The following NWD2 variants were observed in gnomAD, a reference collection of about 807,000 sequenced individuals.
NWD2 encodes the protein NACHT and WD repeat domain-containing protein 2.
NWD2 carries 37 observed loss-of-function variants against 132.7 expected under a neutral mutation model. That is an observed-to-expected ratio of 0.28 (90% CI 0.21 to 0.37). The LOEUF is 0.37. Among genes scored for constraint, NWD2 ranks in the 10% least tolerant of loss-of-function variants. The pLI is 1.00. For missense variants in NWD2, 1,592 were observed against 2,122.4 expected (o/e 0.75, Z 4.91); for synonymous variants, 705 against 803.0 (o/e 0.88, Z 2.06).
chr4:37,263,400 T>C (rs575707577), intron 1 of NWD2, among the ~76,000 whole-genome samples: 2 of 152,282 alleles, frequency 1.3e-5, no homozygotes, highest in East Asian at 3.9e-4. Flanking sequence ...GCTTTCAGTA[T>C]GTCAACAGTA....
intron 1 of NWD2, among the ~76,000 whole-genome samples, chr4:37,274,095 GGAGATAGA>G (rs1176523390): frequency 1.4e-4 from 22 of 152,156 alleles, no homozygotes; most frequent in African/African-American, 5.1e-4. Context: ...CAGAACTGAA[GGAGATAGA>G]GACACAAAAA....
Position 37,430,778 on chromosome 4 carries a change from A to G in NWD2, c.561+3A>G, listed in dbSNP as rs560870065. 348 of 1,548,992 alleles carry G rather than the reference A, an allele frequency of 2.2e-4. 3 individuals are homozygous for G. The South Asian group carries it at 3.9e-3, about 17-fold the overall frequency. ...TGCTGAGAAGCAATAGAAATGCAGT[A>G]AGCTGCCTTTCCCTCAAGCCTATGG... is the stretch of plus-strand genomic sequence containing the variant. On this transcript the variant is annotated splice_donor_region_variant and intron_variant, in intron 4 of 6. Transcript: ENST00000309447.
At chr4:37,263,407 A>T (rs1717685685) in intron 1 of NWD2, among the ~76,000 whole-genome samples, 2 of 152,176 alleles carry the variant, frequency 1.3e-5, no homozygotes. Flanking sequence ...GTATGTCAAC[A>T]GTAGAGCAAA....
intron 3 of NWD2, among the ~76,000 whole-genome samples, chr4:37,383,607 C>A (rs568649435): frequency 1.1e-4 from 17 of 152,126 alleles, no homozygotes; most frequent in Admixed American, 4.6e-4. Context: ...CACCTGCATG[C>A]CCCCTACGCT....
At chr4:37,441,031 T>A (rs1712469501) in intron 6 of NWD2, among the ~76,000 whole-genome samples, 1 of 152,202 alleles carries the variant, frequency 6.6e-6, no homozygotes, top group Non-Finnish European at 1.5e-5. Flanking sequence ...CATTACACTG[T>A]ATGTGAGGAT....
At position 37,379,985 on chromosome 4, in the gene NWD2, G is replaced by A. The variant is rs181593397; in HGVS notation, c.357+23503G>A. ...GGAAACAACCGAAAAGTAAAGGCAA[G>A]AAGCATTTGAACTTGGCTCCGCCAC... On this transcript the variant is annotated intron_variant, in intron 3 of 6. Coordinates refer to ENST00000309447, the MANE Select transcript of NWD2 (RefSeq NM_001144990.2). 1.9e-3 allele frequency among the ~76,000 whole-genome samples: 291 copies of A among 152,356 alleles called. 1 individual carries two copies. Among genetic ancestry groups the A allele is most frequent in the Non-Finnish European group, 3.4e-3 (230 of 68,034 alleles).
intron 1 of NWD2, among the ~76,000 whole-genome samples, chr4:37,252,706 T>A (rs1041950527): frequency 1.3e-5 from 2 of 152,310 alleles, no homozygotes; most frequent in Admixed American, 1.3e-4. Context: ...TTCTCCTCCA[T>A]GAGGGTATTC....
At chr4:37,373,278 A>G (rs1382685610) in intron 3 of NWD2, among the ~76,000 whole-genome samples, 1 of 152,176 alleles carries the variant, frequency 6.6e-6, no homozygotes, top group Admixed American at 6.5e-5. Flanking sequence ...CTCTCTTTCT[A>G]ATATTTTCCT....
At chr4:37,438,263 CAAA>C (rs58024420) in intron 5 of NWD2, among the ~76,000 whole-genome samples, 1 of 99,088 alleles carries the variant, frequency 1.0e-5, no homozygotes, top group Non-Finnish European at 2.1e-5. Context: ...TCCGTCTAAA[CAAA>C]AAAAAAAAAA....
chr4:37,391,630 G>A (rs1430186332), intron 3 of NWD2, among the ~76,000 whole-genome samples: 2 of 152,188 alleles, frequency 1.3e-5, no homozygotes, highest in African/African-American at 4.8e-5. Flanking sequence ...GTATGCATGG[G>A]TGAAATGGGT....
At chr4:37,366,823 CAT>C (rs1720108514) in intron 3 of NWD2, among the ~76,000 whole-genome samples, 1 of 152,070 alleles carries the variant, frequency 6.6e-6, no homozygotes, top group Non-Finnish European at 1.5e-5. Context: ...CACCTAATAA[CAT>C]GGCTTCAAAA....
chr4:37,270,740 C>CT (rs1717855316), intron 1 of NWD2, among the ~76,000 whole-genome samples: 1 of 151,600 alleles, frequency 6.6e-6, no homozygotes, highest in South Asian at 2.1e-4. Flanking sequence ...TAAATGATGT[C>CT]TTTTTTGAGA....
intron 1 of NWD2, among the ~76,000 whole-genome samples, chr4:37,325,457 A>C (rs913438376): frequency 6.6e-6 from 1 of 152,134 alleles, no homozygotes; most frequent in African/African-American, 2.4e-5. Flanking sequence ...GTAAAATGTC[A>C]CAATATATCT....
At chr4:37,369,495 A>C (rs1236861141) in intron 3 of NWD2, among the ~76,000 whole-genome samples, 1 of 152,152 alleles carries the variant, frequency 6.6e-6, no homozygotes, top group Non-Finnish European at 1.5e-5. Flanking sequence ...TTTGGCTTAC[A>C]TGAGGGTTTT....
At chr4:37,405,676 CA>C (rs1186961315) in intron 3 of NWD2, among the ~76,000 whole-genome samples, 1 of 152,042 alleles carries the variant, frequency 6.6e-6, no homozygotes, top group Non-Finnish European at 1.5e-5. Flanking sequence ...AGGTCTCAGT[CA>C]AAAAATGTTT....
chr4:37,316,874 C>T (rs1718970640), intron 1 of NWD2, among the ~76,000 whole-genome samples: 1 of 152,070 alleles, frequency 6.6e-6, no homozygotes, highest in Non-Finnish European at 1.5e-5. Context: ...TGATTTTTCA[C>T]CTCTGAGTGA....
At chr4:37,291,387 A>G (rs1364549716) in intron 1 of NWD2, among the ~76,000 whole-genome samples, 2 of 152,180 alleles carry the variant, frequency 1.3e-5, no homozygotes, top group East Asian at 3.8e-4. Flanking sequence ...TGCTGATATA[A>G]TCTCCATTAC....
intron 3 of NWD2, among the ~76,000 whole-genome samples, chr4:37,426,695 C>T (rs1271827741): frequency 3.3e-5 from 5 of 152,168 alleles, no homozygotes; most frequent in African/African-American, 1.2e-4. Context: ...TTTGGAACCT[C>T]ATTTTAAAAT....
At chr4:37,256,566 G>A (rs1202152604) in intron 1 of NWD2, among the ~76,000 whole-genome samples, 3 of 152,146 alleles carry the variant, frequency 2.0e-5, no homozygotes, top group African/African-American at 7.2e-5. Context: ...ACTACTGAAG[G>A]CACTGTGTGA....
Sources: gnomAD v4.1 joint callset for allele counts (sites outside exome capture counted in the v4.1 genomes callset) on GRCh38, gnomAD v4.1.1 for gene constraint, MANE v1.5 for transcripts, NCBI Gene and HGNC (gene_info 2026-07-23, HGNC 2026-07-21) for gene names.